OOEP: variants seen among roughly 807,000 people sequenced by gnomAD.
The protein encoded by OOEP is oocyte expressed protein, also known as oocyte-expressed protein homolog.
A neutral mutation model predicts 13.7 loss-of-function variants in OOEP; 16 were observed. The ratio of observed to expected loss-of-function variants is 1.16; its 90% CI spans 0.79 to 1.77. The LOEUF is 1.77. Among genes scored for constraint, OOEP ranks in the 40% most tolerant of loss-of-function variants. The pLI, the probability that OOEP is intolerant of heterozygous loss-of-function variation, is 0.00. For missense variants in OOEP, 195 were observed against 193.1 expected, an observed-to-expected ratio of 1.01 and a Z score of -0.06; for synonymous variants, 89 against 77.1, an observed-to-expected ratio of 1.15 and a Z score of -0.81.
intron 2 of OOEP, among the ~76,000 whole-genome samples, chr6:73,388,314 T>TAAC (rs70994197): frequency 2.0e-5 from 3 of 151,034 alleles, no homozygotes; most frequent in African/African-American, 7.3e-5. Flanking sequence ...ACAACATGGA[T>TAAC]GTTTATTATA....
intron 2 of OOEP, among the ~76,000 whole-genome samples, chr6:73,382,663 C>A (rs1209070661): frequency 6.6e-6 from 1 of 151,746 alleles, no homozygotes; most frequent in Non-Finnish European, 1.5e-5. Context: ...GCCCAGCCTA[C>A]TATGTTTGTT....
chr6:73,369,826 C>G lies in OOEP; in HGVS notation c.-34G>C, dbSNP rs766265465. 1.9e-6 allele frequency: 3 copies of G among 1,592,742 alleles called. No homozygotes were observed. The African/African-American group carries it at 4.0e-5, about 21-fold the overall frequency. On this transcript the variant is annotated 5_prime_UTR_variant, in exon 1 of 3. Transcript: ENST00000370359. ...CAGCAGCCGCGGAGCGCGCTCGAGGCGGCTTTCGCAAGACCTCTTCCAGAC... is the reference window on the plus strand; with the variant it reads ...CAGCAGCCGCGGAGCGCGCTCGAGGGGGCTTTCGCAAGACCTCTTCCAGAC...
exon 2 of OOEP, chr6:73,394,353 G>C (rs1769406432): frequency 1.4e-6 from 1 of 715,234 alleles, no homozygotes; most frequent in Non-Finnish European, 2.6e-6. Context: ...TACCTTTATG[G>C]GTCACGGTTG....
chr6:73,369,391 CAAGT>C lies in OOEP; in HGVS notation c.191-10_191-7del, dbSNP rs745532877. On this transcript the variant is annotated splice_polypyrimidine_tract_variant and splice_region_variant and intron_variant, in intron 1 of 2. Transcript: ENST00000370359. ...AATTATGGCTCGGTCTGGGCCTAAA[CAAGT>C]AAGGAAAAACTCTGAGGGGCTGCAC... is the stretch of plus-strand genomic sequence containing the variant. 1.9e-6 allele frequency: 3 copies of C among 1,607,120 alleles called. No individual in the cohort carries two copies. Among genetic ancestry groups the C allele is most frequent in the East Asian group, 4.5e-5 (2 of 44,802 alleles).
chr6:73,389,017 A>G (rs1769311199), intron 2 of OOEP, among the ~76,000 whole-genome samples: 1 of 54,918 alleles, frequency 1.8e-5, no homozygotes, highest in Non-Finnish European at 3.8e-5. Flanking sequence ...GCAGCGGTGC[A>G]AATGCGAAGC....
rs201448640 is a variant in OOEP, at chr6:73,369,750, G to C, written c.43C>G (p.Gln15Glu). The change falls in exon 1 of 3, where the codon CAG (glutamine) becomes GAG (glutamate). Residue 15 changes from glutamine to glutamate, a missense_variant. Gln to Glu is a conservative substitution (Grantham distance 29). Coordinates refer to ENST00000370359, the MANE Select transcript of OOEP (RefSeq NM_001080507.3). ...AGAAESQRGK[Q>E]TPAHSLEQLR... is the part of the protein sequence containing the mutation. ...TGCTCCAGGGAGTGGGCCGGAGTCT[G>C]TTTGCCCCGCTGGGACTCAGCGGCA... 24 of 1,613,860 alleles carry C rather than the reference G, an allele frequency of 1.5e-5. No individual in the cohort carries two copies. The highest frequency in any genetic ancestry group is 1.9e-5 in the Non-Finnish European group (23 of 1,179,888).
chr6:73,384,030 A>G (rs1769237944), intron 2 of OOEP, among the ~76,000 whole-genome samples: 1 of 152,218 alleles, frequency 6.6e-6, no homozygotes, highest in Non-Finnish European at 1.5e-5. Flanking sequence ...AAGGAGGTCA[A>G]GGCTGCAGTG....
chr6:73,385,882 G>A (rs563710424), intron 2 of OOEP, among the ~76,000 whole-genome samples: 51 of 152,002 alleles, frequency 3.4e-4, no homozygotes, highest in African/African-American at 8.0e-4. Flanking sequence ...CACTGTGCCC[G>A]GCCAAAAGCT....
At chr6:73,379,638 CAAAAAAA>C (rs370843381) in intron 2 of OOEP, among the ~76,000 whole-genome samples, 4 of 17,740 alleles carry the variant, frequency 2.3e-4, no homozygotes, top group Admixed American at 7.5e-4. Flanking sequence ...GACTCTATCT[CAAAAAAA>C]AAAAAAAAAA....
At chr6:73,376,156 C>T (rs761197768) in intron 2 of OOEP, among the ~76,000 whole-genome samples, 2 of 152,132 alleles carry the variant, frequency 1.3e-5, no homozygotes, top group Non-Finnish European at 2.9e-5. Context: ...TACAGACTAT[C>T]AGAAAATGTA....
chr6:73,369,770 GCGGCACCAGCATCAT>G lies in OOEP; in HGVS notation c.8_22del (p.Asp3_Ala7del). On this transcript the variant is annotated inframe_deletion, in exon 1 of 3. Transcript: ENST00000370359. ...AGTCTGTTTGCCCCGCTGGGACTCA[GCGGCACCAGCATCAT>G]CGACCATACTGGGACCAGCAGCCGC... 2 of 1,613,784 alleles carry G rather than the reference GCGGCACCAGCATCAT, an allele frequency of 1.2e-6. No individual in the cohort carries two copies. Among genetic ancestry groups the G allele is most frequent in the Non-Finnish European group, 1.7e-6 (2 of 1,179,806 alleles).
rs1311987921 is a variant in OOEP at position 73,369,380 on chromosome 6, C to A, written c.196G>T (p.Asp66Tyr). The part of the protein sequence containing the change: ...AWLADELFGP[D>Y]RAIIPEMEWT... ...TCCATTTCTGGAATTATGGCTCGGT[C>A]TGGGCCTAAACAAGTAAGGAAAAAC... is the stretch of plus-strand genomic sequence containing the variant. Residue 66 changes from aspartate (D) to tyrosine (Y), a missense_variant, in exon 2 of 3, where the codon GAC becomes TAC. Physicochemically the swap from Asp to Tyr is radical, Grantham distance 160 (BLOSUM62 -3). Transcript: ENST00000370359. 1.2e-6 allele frequency: 2 copies of A among 1,610,942 alleles called. No homozygotes were observed. The highest frequency in any genetic ancestry group is 1.1e-5 in the South Asian group (1 of 90,568).
At chr6:73,388,583 C>T (rs1769305877) in intron 2 of OOEP, among the ~76,000 whole-genome samples, 1 of 152,188 alleles carries the variant, frequency 6.6e-6, no homozygotes, top group African/African-American at 2.4e-5. Context: ...GGGAACTGCA[C>T]CCATGGGTTC....
upstream of OOEP, among the ~76,000 whole-genome samples, chr6:73,374,008 T>G (rs1769100296): frequency 6.6e-6 from 1 of 151,960 alleles, no homozygotes; most frequent in Non-Finnish European, 1.5e-5. Flanking sequence ...CTGGGCAACA[T>G]AGAGAGGACC....
intron 2 of OOEP, among the ~76,000 whole-genome samples, chr6:73,378,972 T>C (rs1769167323): frequency 6.6e-6 from 1 of 152,140 alleles, no homozygotes; most frequent in Non-Finnish European, 1.5e-5. Context: ...AGAAACCTAA[T>C]TCAATGACTA....
At chr6:73,372,891 CCTT>C (rs1444454577), upstream of OOEP, among the ~76,000 whole-genome samples, 2 of 151,234 alleles carry the variant, frequency 1.3e-5, no homozygotes, top group Non-Finnish European at 2.9e-5. Flanking sequence ...TTCTTTCTCA[CCTT>C]CTCTTTTTCT....
At chr6:73,388,011 G>A (rs935018585) in intron 2 of OOEP, among the ~76,000 whole-genome samples, 1 of 152,086 alleles carries the variant, frequency 6.6e-6, no homozygotes, top group East Asian at 1.9e-4. Flanking sequence ...CCGATTACCT[G>A]GGACGACAGG....
At chr6:73,373,603 T>G (rs1769094206), upstream of OOEP, among the ~76,000 whole-genome samples, 1 of 152,178 alleles carries the variant, frequency 6.6e-6, no homozygotes, top group Non-Finnish European at 1.5e-5. Flanking sequence ...TTTATTTATT[T>G]ATTTAGAGAC....
chr6:73,369,580 C>G (rs922055196), intron 1 of OOEP, 23 bp downstream of exon 1: 1 of 1,608,278 alleles, frequency 6.2e-7, no homozygotes, highest in East Asian at 2.2e-5. Context: ...GGACAGCCCA[C>G]TAGCACACCT....
Sources: allele counts gnomAD v4.1 joint callset (sites outside exome capture counted in the v4.1 genomes callset), GRCh38; gene constraint gnomAD v4.1.1; transcripts MANE v1.5; gene names NCBI Gene and HGNC (gene_info 2026-07-23, HGNC 2026-07-21).